KIAA1217: variants seen among roughly 807,000 people sequenced by gnomAD.
KIAA1217 encodes the protein KIAA1217, also known as sickle tail protein homolog.
KIAA1217 carries 88 observed loss-of-function variants against 163.9 expected under a neutral mutation model. That is an observed-to-expected ratio of 0.54 (90% CI 0.45 to 0.64). KIAA1217 has a LOEUF of 0.64. KIAA1217 is among the 30% of genes least tolerant of loss of function. The probability of loss-of-function intolerance (pLI) is 0.00; values close to 1 mark genes in which losing one functional copy is unlikely to be tolerated. For synonymous variants in KIAA1217, 903 were observed against 923.1 expected (o/e 0.98, Z 0.39); for missense variants, 2,372 against 2,475.0 (o/e 0.96, Z 0.88).
chr10:24,067,251 G>A (rs1473629090), intron 2 of KIAA1217, among the ~76,000 whole-genome samples: 1 of 152,150 alleles, frequency 6.6e-6, no homozygotes, highest in Non-Finnish European at 1.5e-5. Context: ...TTTCTGCTCT[G>A]TTTTTTCCCC....
intron 6 of KIAA1217, among the ~76,000 whole-genome samples, chr10:24,475,861 G>A (rs970120839): frequency 1.3e-5 from 2 of 152,192 alleles, no homozygotes; most frequent in African/African-American, 4.8e-5. Flanking sequence ...TGTCCCCTTT[G>A]GCAGGCTTTG....
At chr10:23,890,898 C>A (rs1841389971) in intron 1 of KIAA1217, among the ~76,000 whole-genome samples, 1 of 151,872 alleles carries the variant, frequency 6.6e-6, no homozygotes, top group Non-Finnish European at 1.5e-5. Flanking sequence ...TCGGTTTTAG[C>A]TTATAAATTT....
At chr10:23,754,800 GAGA>G (rs1431016491) in intron 1 of KIAA1217, among the ~76,000 whole-genome samples, 11 of 151,408 alleles carry the variant, frequency 7.3e-5, no homozygotes, top group African/African-American at 2.4e-4. Context: ...CATCGCCTGA[GAGA>G]AGGAGCTGAT....
At chr10:24,467,121 A>T (rs2063037561) in intron 5 of KIAA1217, among the ~76,000 whole-genome samples, 1 of 152,108 alleles carries the variant, frequency 6.6e-6, no homozygotes, top group East Asian at 1.9e-4. Context: ...AATGAGTGAT[A>T]TTCGATTTGA....
At chr10:24,055,845 AT>A (rs2060511528) in intron 2 of KIAA1217, among the ~76,000 whole-genome samples, 1 of 152,098 alleles carries the variant, frequency 6.6e-6, no homozygotes, top group African/African-American at 2.4e-5. Flanking sequence ...ATTTCACAAA[AT>A]TTTTTGATAG....
chr10:23,738,806 G>A (rs1053658423), intron 1 of KIAA1217, among the ~76,000 whole-genome samples: 1 of 150,214 alleles, frequency 6.7e-6, no homozygotes. Flanking sequence ...AGGCCCTGAG[G>A]ATATAGTAGT....
intron 5 of KIAA1217, among the ~76,000 whole-genome samples, chr10:24,472,964 T>C (rs1286436581): frequency 1.3e-5 from 2 of 152,202 alleles, no homozygotes; most frequent in African/African-American, 4.8e-5. Context: ...AGATCTCCCC[T>C]GGAGCTGATT....
intron 10 of KIAA1217, among the ~76,000 whole-genome samples, chr10:24,516,235 G>A (rs1345281288): frequency 6.6e-6 from 1 of 152,236 alleles, no homozygotes; most frequent in Non-Finnish European, 1.5e-5. Context: ...GATGTCTTTA[G>A]AGAACTGGGG....
intron 1 of KIAA1217, among the ~76,000 whole-genome samples, chr10:23,738,159 A>G (rs537641952): frequency 6.6e-6 from 1 of 152,198 alleles, no homozygotes; most frequent in Admixed American, 6.5e-5. Flanking sequence ...ACTTTGGTTA[A>G]TTTTAGGACT....
At chr10:24,094,823 C>A (rs1051793901) in intron 2 of KIAA1217, among the ~76,000 whole-genome samples, 12 of 152,232 alleles carry the variant, frequency 7.9e-5, no homozygotes, top group African/African-American at 2.9e-4. Flanking sequence ...TTTGTCTGTG[C>A]CCTGCCCCCA....
chr10:24,523,403 A>G (rs2071599263), intron 12 of KIAA1217, among the ~76,000 whole-genome samples: 1 of 152,166 alleles, frequency 6.6e-6, no homozygotes, highest in South Asian at 2.1e-4. Context: ...ATCTCTAAGA[A>G]TCTAAGGGAT....
intron 3 of KIAA1217, among the ~76,000 whole-genome samples, chr10:24,430,734 C>G (rs577829541): frequency 6.6e-5 from 10 of 152,258 alleles, no homozygotes; most frequent in African/African-American, 9.6e-5. Context: ...GGTTCACGCT[C>G]CTATGAGAAT....
chr10:24,060,123 C>T (rs75647333), intron 2 of KIAA1217, among the ~76,000 whole-genome samples: 16 of 151,738 alleles, frequency 1.1e-4, no homozygotes, highest in South Asian at 2.1e-4. Flanking sequence ...TCTTTTGCTT[C>T]GAAAACTAAT....
chr10:24,545,075 A>T lies in KIAA1217; in HGVS notation c.5306A>T (p.Lys1769Ile). 1 of 1,614,212 alleles carries T rather than the reference A, an allele frequency of 6.2e-7. No individual in the cohort carries two copies. The highest frequency in any genetic ancestry group is 2.2e-5 in the East Asian group (1 of 44,884). ...GTLDKPGKQS[K>I]LQDPRQYRQA... ...CTGGACAAACCCGGCAAGCAGTCCAAACTGCAGGATCCCCGCCAATATCGT... is the reference window on the plus strand; with the variant it reads ...CTGGACAAACCCGGCAAGCAGTCCATACTGCAGGATCCCCGCCAATATCGT... Residue 1769 changes from lysine (K) to isoleucine (I), a missense_variant, in exon 20 of 21, where the codon AAA (lysine) becomes ATA (isoleucine). Coordinates refer to ENST00000376454, the MANE Select transcript of KIAA1217 (RefSeq NM_019590.5).
At chr10:24,364,789 CT>C (rs5783890) in intron 2 of KIAA1217, among the ~76,000 whole-genome samples, 11 of 148,380 alleles carry the variant, frequency 7.4e-5, no homozygotes, top group Non-Finnish European at 1.0e-4. Context: ...TTCTTCCTTT[CT>C]TTTTTTTTTG....
chr10:23,908,157 C>G (rs891978008), intron 1 of KIAA1217, among the ~76,000 whole-genome samples: 1 of 151,964 alleles, frequency 6.6e-6, no homozygotes, highest in African/African-American at 2.4e-5. Context: ...TACAAGAGCC[C>G]GTGCAGCTAG....
intron 2 of KIAA1217, among the ~76,000 whole-genome samples, chr10:24,300,235 C>G (rs1038227989): frequency 6.6e-6 from 1 of 152,192 alleles, no homozygotes; most frequent in African/African-American, 2.4e-5. Context: ...ATCCCTGTCC[C>G]ACAGTGTGAA....
intron 1 of KIAA1217, among the ~76,000 whole-genome samples, chr10:23,839,420 G>T (rs773846213): frequency 2.6e-5 from 4 of 152,038 alleles, no homozygotes; most frequent in Admixed American, 6.6e-5. Context: ...TTAGTGAGAA[G>T]GTCACTCTTC....
intron 2 of KIAA1217, among the ~76,000 whole-genome samples, chr10:24,008,297 A>AT (rs1847094268): frequency 6.6e-6 from 1 of 152,118 alleles, no homozygotes; most frequent in African/African-American, 2.4e-5. Context: ...TCACAGAGGG[A>AT]TAGAAGGGCC....
Sources: gnomAD v4.1 joint callset for allele counts (sites outside exome capture counted in the v4.1 genomes callset) on GRCh38, gnomAD v4.1.1 for gene constraint, MANE v1.5 for transcripts, NCBI Gene and HGNC (gene_info 2026-07-23, HGNC 2026-07-21) for gene names.